Variants in EPHA6 observed in about 807,000 individuals in gnomAD.
The protein encoded by EPHA6 is EPH receptor A6.
Under a neutral mutation model 112.0 loss-of-function variants are expected in EPHA6, and 50 were observed. That is an observed-to-expected ratio of 0.45 (90% CI 0.36 to 0.56). The LOEUF (loss-of-function observed/expected upper bound fraction) is 0.56. Among genes scored for constraint, EPHA6 ranks in the 20% least tolerant of loss-of-function variants. The pLI, the probability that EPHA6 is intolerant of heterozygous loss-of-function variation, is 0.00. For missense variants in EPHA6, 1,280 were observed against 1,417.4 expected (o/e 0.90, Z 1.56); for synonymous variants, 529 against 490.7 (o/e 1.08, Z -1.03).
At chr3:96,879,348 A>G (rs564568221) in intron 2 of EPHA6, among the ~76,000 whole-genome samples, 1 of 152,250 alleles carries the variant, frequency 6.6e-6, no homozygotes, top group Admixed American at 6.5e-5. Flanking sequence ...ATCATTTTCA[A>G]CACATCAAAA....
intron 1 of EPHA6, among the ~76,000 whole-genome samples, chr3:96,853,794 G>T (rs921643968): frequency 6.6e-6 from 1 of 151,450 alleles, no homozygotes; most frequent in Admixed American, 6.6e-5. Context: ...CTTTGTCAGT[G>T]CTTTGACCCT....
intron 10 of EPHA6, among the ~76,000 whole-genome samples, chr3:97,504,576 T>A (rs2107567114): frequency 6.6e-6 from 1 of 152,288 alleles, no homozygotes; most frequent in Admixed American, 6.5e-5. Flanking sequence ...GCAAGTCACC[T>A]GTGTAGCCCT....
intron 10 of EPHA6, among the ~76,000 whole-genome samples, chr3:97,512,528 G>T (rs184522750): frequency 6.6e-6 from 1 of 151,898 alleles, no homozygotes; most frequent in Non-Finnish European, 1.5e-5. Context: ...CCTCTTAGAC[G>T]TGGCTATCTA....
chr3:97,283,454 G>T (rs1299937100), intron 5 of EPHA6, among the ~76,000 whole-genome samples: 1 of 152,020 alleles, frequency 6.6e-6, no homozygotes, highest in Non-Finnish European at 1.5e-5. Context: ...CAAGGAAAAT[G>T]ATAGGATACA....
At chr3:97,106,227 G>A (rs2047563367) in intron 3 of EPHA6, among the ~76,000 whole-genome samples, 1 of 151,984 alleles carries the variant, frequency 6.6e-6, no homozygotes, top group South Asian at 2.1e-4. Context: ...AACTGGCTTA[G>A]TATACTAAAG....
chr3:97,382,899 AAAT>A (rs2085836478), intron 5 of EPHA6, among the ~76,000 whole-genome samples: 1 of 152,030 alleles, frequency 6.6e-6, no homozygotes, highest in African/African-American at 2.4e-5. Context: ...TATCTACAGA[AAAT>A]AATAATAACT....
chr3:97,664,451 G>C (rs2094191911), intron 14 of EPHA6, among the ~76,000 whole-genome samples: 1 of 152,138 alleles, frequency 6.6e-6, no homozygotes, highest in Non-Finnish European at 1.5e-5. Context: ...ATTCAACATA[G>C]TGTTGGAAGT....
chr3:97,349,613 C>T (rs2083702139), intron 5 of EPHA6, among the ~76,000 whole-genome samples: 1 of 152,032 alleles, frequency 6.6e-6, no homozygotes, highest in Non-Finnish European at 1.5e-5. Flanking sequence ...AGTATAAAAA[C>T]TGTGGCAAAT....
intron 3 of EPHA6, among the ~76,000 whole-genome samples, chr3:97,178,893 G>A (rs1269239647): frequency 6.6e-6 from 1 of 151,912 alleles, no homozygotes; most frequent in Admixed American, 6.6e-5. Flanking sequence ...TTTCTCTAAA[G>A]TTTGAAAGTT....
chr3:97,648,605 A>T, intron 14 of EPHA6: 1 of 1,145,616 alleles, frequency 8.7e-7, no homozygotes, highest in Non-Finnish European at 1.1e-6. Flanking sequence ...TTTCATTAAC[A>T]TGAGTAAATG....
intron 3 of EPHA6, among the ~76,000 whole-genome samples, chr3:97,136,747 A>T (rs2075779331): frequency 6.6e-6 from 1 of 152,186 alleles, no homozygotes; most frequent in African/African-American, 2.4e-5. Flanking sequence ...TAGTGTCTTT[A>T]AAGTGCTAAG....
At chr3:97,181,898 G>C (rs1294793378) in intron 3 of EPHA6, among the ~76,000 whole-genome samples, 2 of 152,074 alleles carry the variant, frequency 1.3e-5, no homozygotes, top group African/African-American at 2.4e-5. Flanking sequence ...TCCAGGGACT[G>C]TCACTGTGCT....
intron 2 of EPHA6, among the ~76,000 whole-genome samples, chr3:96,971,488 T>C (rs1317758358): frequency 2.6e-5 from 4 of 152,234 alleles, no homozygotes; most frequent in African/African-American, 9.6e-5. Context: ...AGCCTTCACT[T>C]TTCTGCTGCA....
At chr3:97,199,856 G>T (rs1446423611) in intron 3 of EPHA6, among the ~76,000 whole-genome samples, 1 of 152,048 alleles carries the variant, frequency 6.6e-6, no homozygotes, top group African/African-American at 2.4e-5. Flanking sequence ...TTATTCACTG[G>T]CTATTGTCGG....
chr3:97,467,818 G>T (rs1050773475), intron 7 of EPHA6, among the ~76,000 whole-genome samples: 3 of 151,508 alleles, frequency 2.0e-5, no homozygotes, highest in Non-Finnish European at 4.4e-5. Context: ...TTATATGAAG[G>T]CTACCTATGG....
intron 16 of EPHA6, among the ~76,000 whole-genome samples, chr3:97,740,911 A>C (rs1282529701): frequency 1.3e-5 from 2 of 152,144 alleles, no homozygotes; most frequent in East Asian, 3.9e-4. Context: ...TGTTGCTAGC[A>C]CTTTTAAATA....
intron 2 of EPHA6, among the ~76,000 whole-genome samples, chr3:96,884,696 G>A (rs1015743496): frequency 2.0e-5 from 3 of 152,066 alleles, no homozygotes; most frequent in African/African-American, 7.2e-5. Flanking sequence ...CTTCTTTACC[G>A]ATTTGGATGC....
rs200016240 is a variant in EPHA6 at position 97,591,153 on chromosome 3, A to AT, written c.2387-1451dup. 2.3e-3 allele frequency among the ~76,000 whole-genome samples: 345 copies of AT among 152,150 alleles called. 2 individuals are homozygous for AT. Among genetic ancestry groups the AT allele is most frequent in the African/African-American group, 7.9e-3 (326 of 41,504 alleles). ...AAAACTAGTTTATTCACTGTATTTA[A>AT]TTTTTTTTCTAAGCTTTCTTTAATC... On this transcript the variant is annotated intron_variant, in intron 11 of 17. Coordinates refer to ENST00000389672, the MANE Select transcript of EPHA6 (RefSeq NM_001080448.3).
intron 12 of EPHA6, among the ~76,000 whole-genome samples, chr3:97,597,535 A>G (rs1385760077): frequency 1.3e-5 from 2 of 152,226 alleles, no homozygotes; most frequent in Non-Finnish European, 2.9e-5. Flanking sequence ...CCTCACTGCT[A>G]TTCTCTGAGT....
Sources: gnomAD v4.1 joint callset for allele counts (sites outside exome capture counted in the v4.1 genomes callset) on GRCh38, gnomAD v4.1.1 for gene constraint, MANE v1.5 for transcripts, NCBI Gene and HGNC (gene_info 2026-07-23, HGNC 2026-07-21) for gene names.